Variants in NME9 observed in about 807,000 individuals in gnomAD.
NME9 encodes the protein thioredoxin domain-containing protein 6.
A neutral mutation model predicts 44.4 loss-of-function variants in NME9; 48 were observed. The observed-to-expected ratio is 1.08, with a 90% CI of 0.86 to 1.37. The LOEUF is 1.37. Among genes scored for constraint, NME9 ranks in the 40% most tolerant of loss-of-function variants. The probability of loss-of-function intolerance (pLI) is 0.00; values close to 1 mark genes in which losing one functional copy is unlikely to be tolerated. For synonymous variants in NME9, 139 were observed against 147.1 expected, an observed-to-expected ratio of 0.94 and a Z score of 0.40; for missense variants, 325 against 405.2, an observed-to-expected ratio of 0.80 and a Z score of 1.70.
In NME9 at chr3:138,267,028, A is replaced by C. The variant is rs983609292; in HGVS notation, c.746-4442T>G. On this transcript the variant is annotated intron_variant, in intron 8 of 8. Coordinates refer to the NME9 transcript ENST00000317876. Reference sequence around the variant, plus strand: ...ACACAGTATCAAGTGGATTCTTCCTATCTCTCCAATACGAAGAATCAGGTT... The same window carrying C: ...ACACAGTATCAAGTGGATTCTTCCTCTCTCTCCAATACGAAGAATCAGGTT... 2.5e-5 allele frequency: 14 copies of C among 564,964 alleles called. No individual in the cohort carries two copies. The East Asian group carries it at 3.7e-4, about 15-fold the overall frequency. 35.0% of individuals were successfully genotyped at this position (564,964 alleles called of 1,614,324 possible). A position where few individuals can be genotyped will look rare whatever the true frequency, so the allele number is the denominator to read the frequency against.
downstream of NME9, among the ~76,000 whole-genome samples, chr3:138,300,759 A>G (rs916586326): frequency 2.6e-5 from 4 of 152,096 alleles, no homozygotes; most frequent in African/African-American, 9.7e-5. Flanking sequence ...AATTAGATGA[A>G]CCCTGGTTCC....
At chr3:138,285,389 G>A (rs1036219497) in intron 8 of NME9, among the ~76,000 whole-genome samples, 5 of 152,096 alleles carry the variant, frequency 3.3e-5, no homozygotes, top group African/African-American at 7.2e-5. Flanking sequence ...AGTCCTACGT[G>A]ACCTAACCCA....
chr3:138,320,815 T>C (rs559859858), intron 2 of NME9, among the ~76,000 whole-genome samples: 3 of 152,104 alleles, frequency 2.0e-5, no homozygotes, highest in East Asian at 3.9e-4. Context: ...CTGCCCGAGA[T>C]GGTGTGGTAG....
At chr3:138,271,827 G>A (rs550612251) in intron 8 of NME9, among the ~76,000 whole-genome samples, 1 of 131,970 alleles carries the variant, frequency 7.6e-6, no homozygotes, top group African/African-American at 3.5e-5. Context: ...ACAGAGTCTC[G>A]CTTAGTTGCC....
At chr3:138,327,603 C>T (rs1327842201) in intron 1 of NME9, among the ~76,000 whole-genome samples, 2 of 152,212 alleles carry the variant, frequency 1.3e-5, no homozygotes, top group East Asian at 3.8e-4. Flanking sequence ...CCTGTGATTT[C>T]TGCCTGTCTC....
chr3:138,264,640 G>A (rs2048095401), intron 8 of NME9, among the ~76,000 whole-genome samples: 1 of 151,452 alleles, frequency 6.6e-6, no homozygotes, highest in African/African-American at 2.4e-5. Flanking sequence ...GGCTGGTCTT[G>A]AACTCCTGAC....
chr3:138,284,550 G>GT, intron 8 of NME9: 2 of 1,529,366 alleles, frequency 1.3e-6, no homozygotes, highest in South Asian at 2.2e-5. Context: ...CCCTTTCACC[G>GT]TAGGATTAGA....
At chr3:138,306,754 GCA>G (rs1393691399) in intron 6 of NME9, among the ~76,000 whole-genome samples, 1 of 152,244 alleles carries the variant, frequency 6.6e-6, no homozygotes, top group African/African-American at 2.4e-5. Flanking sequence ...ATGAACCTGG[GCA>G]GGTGGCAGAG....
intron 1 of NME9, chr3:138,327,158 CAAAAAAA>C (rs796512612): frequency 1.6e-5 from 1 of 64,154 alleles, no homozygotes; most frequent in East Asian, 6.2e-4. Flanking sequence ...GAAACTGTCT[CAAAAAAA>C]AAAAAAAAAA....
At chr3:138,289,390 G>A (rs996551715) in intron 8 of NME9, among the ~76,000 whole-genome samples, 1 of 152,230 alleles carries the variant, frequency 6.6e-6, no homozygotes, top group Non-Finnish European at 1.5e-5. Flanking sequence ...CCAGGAGAGA[G>A]CTGATGAGGA....
chr3:138,263,952 A>G, intron 8 of NME9: 2 of 1,014,578 alleles, frequency 2.0e-6, no homozygotes, highest in African/African-American at 1.6e-5. Context: ...TTCATAGAGT[A>G]TATAACATTG....
intron 6 of NME9, among the ~76,000 whole-genome samples, chr3:138,307,638 T>G (rs540772173): frequency 1.3e-5 from 2 of 152,242 alleles, no homozygotes; most frequent in Admixed American, 6.5e-5. Flanking sequence ...TACAATAAAT[T>G]CCATTATAAA....
At chr3:138,300,962 T>A, downstream of NME9, 4 of 689,290 alleles carry the variant, frequency 5.8e-6, no homozygotes, top group Non-Finnish European at 7.1e-6. Flanking sequence ...CTGCACTGTT[T>A]TCAAGCTCAT....
At chr3:138,284,603 G>A in intron 8 of NME9, 2 of 1,100,002 alleles carry the variant, frequency 1.8e-6, no homozygotes, top group South Asian at 1.4e-5. Context: ...AAATTGTGCA[G>A]AGATTTTAAA....
At chr3:138,289,256 G>T in intron 8 of NME9, 1 of 663,722 alleles carries the variant, frequency 1.5e-6, no homozygotes. Context: ...CTCTAGAGTT[G>T]CCCTGGTATG....
At chr3:138,276,766 C>A (rs1182700255) in intron 8 of NME9, among the ~76,000 whole-genome samples, 3 of 152,132 alleles carry the variant, frequency 2.0e-5, no homozygotes, top group Non-Finnish European at 4.4e-5. Context: ...AAATCCAGGA[C>A]CCAAATAAAT....
At chr3:138,288,670 G>A (rs1230204673) in intron 8 of NME9, among the ~76,000 whole-genome samples, 3 of 131,284 alleles carry the variant, frequency 2.3e-5, no homozygotes, top group African/African-American at 5.8e-5. Context: ...ACGGAGTCTC[G>A]CTCTGTCACC....
intron 4 of NME9, among the ~76,000 whole-genome samples, chr3:138,316,497 A>G (rs1315025688): frequency 6.6e-6 from 1 of 152,226 alleles, no homozygotes; most frequent in Non-Finnish European, 1.5e-5. Context: ...GGTGCTTGGA[A>G]CTTGGGGCAA....
chr3:138,311,429 A>G (rs1399723882), intron 6 of NME9, among the ~76,000 whole-genome samples: 1 of 152,164 alleles, frequency 6.6e-6, no homozygotes, highest in Non-Finnish European at 1.5e-5. Flanking sequence ...AAACCAGACA[A>G]GGACACAACA....
Sources: allele counts gnomAD v4.1 joint callset (sites outside exome capture counted in the v4.1 genomes callset), GRCh38; gene constraint gnomAD v4.1.1; transcripts MANE v1.5; gene names NCBI Gene and HGNC (gene_info 2026-07-23, HGNC 2026-07-21).